The following GPC5 variants were observed in gnomAD, a reference collection of about 807,000 sequenced individuals.
GPC5 encodes the protein glypican-5.
GPC5 carries 47 observed loss-of-function variants against 53.9 expected under a neutral mutation model. The ratio of observed to expected loss-of-function variants is 0.87; its 90% CI spans 0.69 to 1.11. GPC5 has a LOEUF of 1.11. Ranked by LOEUF, GPC5 falls within the 50% of genes most tolerant of loss-of-function variation. The probability of loss-of-function intolerance (pLI) is 0.00; values close to 1 mark genes in which losing one functional copy is unlikely to be tolerated. For missense variants in GPC5, 748 were observed against 713.1 expected (o/e 1.05, Z -0.56); for synonymous variants, 286 against 263.3 (o/e 1.09, Z -0.84).
At chr13:92,170,617 G>T (rs890777106) in intron 7 of GPC5, among the ~76,000 whole-genome samples, 2 of 151,624 alleles carry the variant, frequency 1.3e-5, no homozygotes, top group East Asian at 1.9e-4. Flanking sequence ...TAGAAACGGG[G>T]TTTCACCATG....
At chr13:92,675,169 A>G (rs1886895963) in intron 7 of GPC5, among the ~76,000 whole-genome samples, 1 of 152,138 alleles carries the variant, frequency 6.6e-6, no homozygotes, top group Non-Finnish European at 1.5e-5. Flanking sequence ...GAGTTATAAA[A>G]TAATATTTGG....
intron 2 of GPC5, among the ~76,000 whole-genome samples, chr13:91,587,238 A>C (rs2032631602): frequency 6.6e-6 from 1 of 152,168 alleles, no homozygotes. Context: ...TGAGTTATTT[A>C]CAGATAGAAC....
chr13:92,154,115 G>A (rs909290807), intron 7 of GPC5, among the ~76,000 whole-genome samples: 1 of 152,140 alleles, frequency 6.6e-6, no homozygotes, highest in Non-Finnish European at 1.5e-5. Flanking sequence ...GGAGACAAAG[G>A]GAGTGCCAGT....
intron 7 of GPC5, among the ~76,000 whole-genome samples, chr13:92,172,283 C>A (rs2042076380): frequency 6.6e-6 from 1 of 151,940 alleles, no homozygotes; most frequent in Non-Finnish European, 1.5e-5. Context: ...GTGCAGTTGA[C>A]CCTAAGGTAC....
rs1251617326 is a variant in GPC5, at chr13:91,586,520, A to G, written c.326-106667A>G. Among the ~76,000 whole-genome samples the G allele has an allele frequency of 3.9e-4, 9 of 23,110 alleles. 1 individual carries two copies. The highest frequency in any genetic ancestry group is 2.8e-3 in the African/African-American group (6 of 2,112). The allele number at this position is 23,110 out of a possible 152,430, so 15.2% of individuals were successfully genotyped here. On this transcript the variant is annotated intron_variant, in intron 2 of 7. Coordinates refer to ENST00000377067, the MANE Select transcript of GPC5 (RefSeq NM_004466.6). ...GCAGGATATATATATATATATATATATATATATATATATATATATATATAT... is the reference window on the plus strand; with the variant it reads ...GCAGGATATATATATATATATATATGTATATATATATATATATATATATAT...
At chr13:92,268,931 T>C (rs558682502) in intron 7 of GPC5, among the ~76,000 whole-genome samples, 1 of 152,172 alleles carries the variant, frequency 6.6e-6, no homozygotes, top group Non-Finnish European at 1.5e-5. Context: ...TTTTTATTAA[T>C]TGTAGATCTT....
chr13:91,474,243 A>G (rs887313436), intron 2 of GPC5, among the ~76,000 whole-genome samples: 2 of 152,160 alleles, frequency 1.3e-5, no homozygotes, highest in African/African-American at 2.4e-5. Context: ...CATTATGTAC[A>G]TATATTATAC....
intron 2 of GPC5, among the ~76,000 whole-genome samples, chr13:91,541,818 T>C (rs2029950192): frequency 7.3e-6 from 1 of 137,054 alleles, no homozygotes; most frequent in Non-Finnish European, 1.6e-5. Context: ...AACTTCCATA[T>C]TAATTAATAA....
At chr13:92,144,560 AAAG>A (rs2041852804) in intron 6 of GPC5, among the ~76,000 whole-genome samples, 3 of 152,210 alleles carry the variant, frequency 2.0e-5, no homozygotes, top group Admixed American at 2.0e-4. Flanking sequence ...TGCCATAAGC[AAAG>A]AAGGTGTAAT....
chr13:92,808,252 G>A (rs2138795099), intron 7 of GPC5, among the ~76,000 whole-genome samples: 1 of 152,190 alleles, frequency 6.6e-6, no homozygotes, highest in Non-Finnish European at 1.5e-5. Flanking sequence ...CTTTGAAAGA[G>A]AATTTACTTT....
At chr13:91,508,996 CA>C (rs771790933) in intron 2 of GPC5, among the ~76,000 whole-genome samples, 2 of 152,074 alleles carry the variant, frequency 1.3e-5, no homozygotes, top group Non-Finnish European at 2.9e-5. Flanking sequence ...ATAAGATAAT[CA>C]AATCCAAATG....
At chr13:92,281,434 C>G (rs1341206003) in intron 7 of GPC5, among the ~76,000 whole-genome samples, 1 of 152,216 alleles carries the variant, frequency 6.6e-6, no homozygotes, top group East Asian at 1.9e-4. Flanking sequence ...GATCTGAGAA[C>G]AGACAGACTG....
intron 7 of GPC5, among the ~76,000 whole-genome samples, chr13:92,460,690 G>T (rs1878443415): frequency 6.6e-6 from 1 of 152,096 alleles, no homozygotes; most frequent in Non-Finnish European, 1.5e-5. Context: ...CTATCAGGAA[G>T]GTCAAGTTGA....
chr13:91,433,246 A>T (rs1444948015), intron 1 of GPC5, among the ~76,000 whole-genome samples: 1 of 151,690 alleles, frequency 6.6e-6, no homozygotes, highest in East Asian at 1.9e-4. Flanking sequence ...CATGTGCACA[A>T]CATGCAGGTT....
At chr13:92,584,013 A>G (rs2139057159) in intron 7 of GPC5, among the ~76,000 whole-genome samples, 1 of 152,322 alleles carries the variant, frequency 6.6e-6, no homozygotes, top group East Asian at 1.9e-4. Context: ...CTGTAAGTCC[A>G]ATGAAACCTC....
At chr13:91,611,867 C>T (rs1422901289) in intron 2 of GPC5, among the ~76,000 whole-genome samples, 1 of 152,178 alleles carries the variant, frequency 6.6e-6, no homozygotes, top group Non-Finnish European at 1.5e-5. Context: ...AGACATACAC[C>T]TGAACACTGC....
chr13:92,618,258 G>C (rs1311722337), intron 7 of GPC5, among the ~76,000 whole-genome samples: 1 of 152,020 alleles, frequency 6.6e-6, no homozygotes, highest in Non-Finnish European at 1.5e-5. Context: ...CCAAACTAAC[G>C]TAGTATTATT....
intron 6 of GPC5, among the ~76,000 whole-genome samples, chr13:91,920,903 T>A (rs2039705037): frequency 6.8e-6 from 1 of 146,156 alleles, no homozygotes; most frequent in Non-Finnish European, 1.5e-5. Context: ...ATCCTTTTTT[T>A]AAATCTCTCT....
intron 7 of GPC5, among the ~76,000 whole-genome samples, chr13:92,586,947 TAC>T (rs751189074): frequency 0.24 from 33,689 of 140,616 alleles, 3,827 homozygotes; most frequent in African/African-American, 0.28. Flanking sequence ...CTCTCTTGCA[TAC>T]ACACACACAC....
Sources: allele counts gnomAD v4.1 joint callset (sites outside exome capture counted in the v4.1 genomes callset), GRCh38; gene constraint gnomAD v4.1.1; transcripts MANE v1.5; gene names NCBI Gene and HGNC (gene_info 2026-07-23, HGNC 2026-07-21).